Variants in TMEM222 observed in about 807,000 individuals in gnomAD.
The protein encoded by TMEM222 is chromosome 1 open reading frame 160.
In TMEM222, 18 loss-of-function variants were observed where a neutral mutation model predicts 25.1. The ratio of observed to expected loss-of-function variants is 0.72; its 90% CI spans 0.50 to 1.06. TMEM222 has a LOEUF of 1.06. Among genes scored for constraint, TMEM222 ranks in the 50% least tolerant of loss-of-function variants. The pLI, the probability that TMEM222 is intolerant of heterozygous loss-of-function variation, is 0.00. For missense variants in TMEM222, 296 were observed against 293.7 expected, an observed-to-expected ratio of 1.01 and a Z score of -0.06; for synonymous variants, 131 against 117.9, an observed-to-expected ratio of 1.11 and a Z score of -0.72.
chr1:27,322,368 G>A lies in TMEM222; in HGVS notation c.171G>A (p.Val57=). 1 of 1,478,240 alleles carries A rather than the reference G, an allele frequency of 6.8e-7. No individual in the cohort carries two copies. The highest frequency in any genetic ancestry group is 1.3e-5 in the South Asian group (1 of 75,482). The allele number at this position is 1,478,240 out of a possible 1,614,324, so 91.6% of individuals were successfully genotyped here. Residue 57 remains valine (V), a synonymous_variant, in exon 1 of 6, where the codon GTG becomes GTA. Coordinates refer to ENST00000374076, the MANE Select transcript of TMEM222 (RefSeq NM_032125.3). ...GGAGTCGCTTCCCCTACTGCGTGGT[G>A]TGGACGCCCATCCCGGTGCTCACGT... ...VERSRFPYCV[V]WTPIPVLTWF...
At chr1:27,327,323 A>G (rs2014374187) in intron 1 of TMEM222, among the ~76,000 whole-genome samples, 1 of 152,158 alleles carries the variant, frequency 6.6e-6, no homozygotes, top group African/African-American at 2.4e-5. Context: ...AACAAAGGCA[A>G]GCCTCAACCC....
chr1:27,324,818 G>T (rs867251779), intron 1 of TMEM222, among the ~76,000 whole-genome samples: 1 of 152,050 alleles, frequency 6.6e-6, no homozygotes, highest in Non-Finnish European at 1.5e-5. Context: ...AGGGAGTGAG[G>T]GGGGAGATGC....
intron 1 of TMEM222, among the ~76,000 whole-genome samples, chr1:27,329,206 CTT>C (rs369407722): frequency 3.2e-4 from 46 of 143,328 alleles, no homozygotes; most frequent in Non-Finnish European, 3.8e-4. Context: ...GACCGCCCAC[CTT>C]TTTTTTTTTT....
chr1:27,324,819 G>C (rs1312453456), intron 1 of TMEM222, among the ~76,000 whole-genome samples: 1 of 152,060 alleles, frequency 6.6e-6, no homozygotes, highest in Non-Finnish European at 1.5e-5. Context: ...GGGAGTGAGG[G>C]GGGAGATGCT....
rs554567115 is a variant in TMEM222 at position 27,326,483 on chromosome 1, G to A, written c.194+4092G>A. On this transcript the variant is annotated intron_variant, in intron 1 of 5. Transcript: ENST00000374076. ...TTATGTGAGAACATTAGGCCCCAGCGGCATGTCATTGTGTAAGGAAAAATA... is the reference window on the plus strand; with the variant it reads ...TTATGTGAGAACATTAGGCCCCAGCAGCATGTCATTGTGTAAGGAAAAATA... Among the ~76,000 whole-genome samples, 5 of 151,916 alleles carry A rather than the reference G, an allele frequency of 3.3e-5. No individual in the cohort carries two copies. In the East Asian group the frequency reaches 7.7e-4, roughly 23 times the overall value.
chr1:27,331,877 CCTT>C (rs149506843), intron 2 of TMEM222, among the ~76,000 whole-genome samples, 190 bp from the exon 3 acceptor site: 3,669 of 152,382 alleles, frequency 0.024, 66 homozygotes, highest in African/African-American at 0.041. Flanking sequence ...TGCCACACTG[CCTT>C]CTTCCTGCAG....
intron 1 of TMEM222, among the ~76,000 whole-genome samples, chr1:27,324,996 C>A (rs1463213763): frequency 2.0e-5 from 3 of 152,098 alleles, no homozygotes; most frequent in Non-Finnish European, 4.4e-5. Context: ...GGGGACAGAT[C>A]CAAACCATGT....
chr1:27,332,776 C>T (rs752528345), intron 3 of TMEM222: 12 of 514,116 alleles, frequency 2.3e-5, no homozygotes, highest in Non-Finnish European at 4.2e-5. Context: ...GCTGCCCTCT[C>T]TGGCTTCCTC....
rs1180039676 is a variant in TMEM222 at position 27,325,806 on chromosome 1, G to A, written c.194+3415G>A. 4.8e-5 allele frequency: 38 copies of A among 799,810 alleles called. No homozygotes were observed. In the Middle Eastern group the frequency reaches 1.4e-3, roughly 29 times the overall value. The allele number at this position is 799,810 out of a possible 1,614,324, so 49.5% of individuals were successfully genotyped here. On this transcript the variant is annotated intron_variant, in intron 1 of 5. Coordinates refer to ENST00000374076, the MANE Select transcript of TMEM222 (RefSeq NM_032125.3). ...CCGCAAATGCTTCTAAATGGACTGC[G>A]AGCCGATGCGTAGCATTTGCTGCAT...
Position 27,330,699 on chromosome 1 carries a change from TC to T in TMEM222, c.195-17del. Reference sequence around the variant, plus strand: ...GAAAGATCCCCTAAGCTCTGTCCCTTCCCCGTCCTTTTCCTCACAGGTGGTT... The same window carrying T: ...GAAAGATCCCCTAAGCTCTGTCCCTTCCCGTCCTTTTCCTCACAGGTGGTT... On this transcript the variant is annotated intron_variant, in intron 1 of 5. Transcript: ENST00000374076. 2 of 1,609,608 alleles carry T rather than the reference TC, an allele frequency of 1.2e-6. No homozygotes were observed. Among genetic ancestry groups the T allele is most frequent in the Non-Finnish European group, 1.7e-6 (2 of 1,175,884 alleles).
chr1:27,334,313 A>G, intron 5 of TMEM222, 32 bp downstream of exon 5: 2 of 1,613,538 alleles, frequency 1.2e-6, no homozygotes, highest in South Asian at 2.2e-5. Flanking sequence ...CCACCCACAC[A>G]CTGCCCAGAG....
rs566314040 is a variant in TMEM222 at position 27,334,804 on chromosome 1, A to G, written c.539+523A>G. 1.6e-5 allele frequency: 18 copies of G among 1,106,226 alleles called. No individual in the cohort carries two copies. The South Asian group carries it at 4.0e-4, about 25-fold the overall frequency. The allele number at this position is 1,106,226 out of a possible 1,614,324, so 68.5% of individuals were successfully genotyped here. On this transcript the variant is annotated intron_variant, in intron 5 of 5. Transcript: ENST00000374076. ...CCAAGCTTTCCTCTTAGCCACGTTC[A>G]TCATTAAGAGGTTCTGAAAAGAAGA...
chr1:27,323,742 C>T (rs2014269438), intron 1 of TMEM222, among the ~76,000 whole-genome samples: 1 of 152,202 alleles, frequency 6.6e-6, no homozygotes, highest in South Asian at 2.1e-4. Context: ...CACTGCACTT[C>T]AGCATGGGCA....
chr1:27,335,832 G>C lies in TMEM222; in HGVS notation c.*366G>C, dbSNP rs2014593671. 1 of 290,042 alleles carries C rather than the reference G, an allele frequency of 3.4e-6. No individual in the cohort carries two copies. Among genetic ancestry groups the C allele is most frequent in the Non-Finnish European group, 6.8e-6 (1 of 148,120 alleles). 18.0% of individuals were successfully genotyped at this position (290,042 alleles called of 1,614,324 possible). A position where few individuals can be genotyped will look rare whatever the true frequency, so the allele number is the denominator to read the frequency against. ...GAGAGGAGGACATTTGGGCTCACCT[G>C]TCAAGGTGGCCCTGGGACCAGAGCT... On this transcript the variant is annotated 3_prime_UTR_variant, in exon 6 of 6. Coordinates refer to ENST00000374076, the MANE Select transcript of TMEM222 (RefSeq NM_032125.3).
chr1:27,332,519 G>A, intron 3 of TMEM222: 1 of 718,140 alleles, frequency 1.4e-6, no homozygotes, highest in Non-Finnish European at 2.6e-6. Flanking sequence ...GAGCTCTGCT[G>A]GAAAGTTCTG....
intron 1 of TMEM222, chr1:27,325,447 C>T (rs892995233): frequency 2.4e-5 from 30 of 1,269,998 alleles, no homozygotes; most frequent in East Asian, 1.9e-4. Context: ...TGTCCGGAGG[C>T]GCTGTTCCAG....
At chr1:27,330,917 G>T (rs539169695) in intron 2 of TMEM222, 113 bp downstream of exon 2, 4 of 1,578,444 alleles carry the variant, frequency 2.5e-6, no homozygotes, top group African/African-American at 1.3e-5. Context: ...TAGATAACCC[G>T]CAGTCCTGGC....
chr1:27,327,067 A>G (rs1255792874), intron 1 of TMEM222, among the ~76,000 whole-genome samples: 1 of 152,066 alleles, frequency 6.6e-6, no homozygotes, highest in Admixed American at 6.6e-5. Context: ...CTACTTTCCC[A>G]TAATCCTGAA....
At chr1:27,325,563 C>G in intron 1 of TMEM222, 1 of 1,190,244 alleles carries the variant, frequency 8.4e-7, no homozygotes, top group Non-Finnish European at 1.3e-6. Flanking sequence ...CAACATAGGG[C>G]TATCCAGAGG....
Sources: gnomAD v4.1 joint callset for allele counts (sites outside exome capture counted in the v4.1 genomes callset) on GRCh38, gnomAD v4.1.1 for gene constraint, MANE v1.5 for transcripts, NCBI Gene and HGNC (gene_info 2026-07-23, HGNC 2026-07-21) for gene names.